DCC: variants seen among roughly 807,000 people sequenced by gnomAD.
DCC encodes netrin receptor DCC.
Under a neutral mutation model 172.5 loss-of-function variants are expected in DCC, and 58 were observed. The observed-to-expected ratio is 0.34, with a 90% confidence interval of 0.27 to 0.42. The LOEUF is 0.42. Among genes scored for constraint, DCC ranks in the 10% least tolerant of loss-of-function variants. DCC has a pLI of 1.00. For synonymous variants in DCC, 709 were observed against 644.5 expected (o/e 1.10, Z -1.52); for missense variants, 1,740 against 1,791.0 (o/e 0.97, Z 0.51).
intron 2 of DCC, among the ~76,000 whole-genome samples, chr18:52,821,205 T>C (rs1485872982): frequency 6.6e-6 from 1 of 152,176 alleles, no homozygotes; most frequent in Non-Finnish European, 1.5e-5. Flanking sequence ...CCTATCTGCA[T>C]CTATGCCAAT....
At chr18:53,282,157 T>G (rs1163166911) in intron 12 of DCC, among the ~76,000 whole-genome samples, 1 of 152,168 alleles carries the variant, frequency 6.6e-6, no homozygotes, top group African/African-American at 2.4e-5. Context: ...TACTGATAGA[T>G]TTTTCTTTTG....
At chr18:53,125,728 A>T (rs1477548340) in intron 7 of DCC, among the ~76,000 whole-genome samples, 1 of 152,120 alleles carries the variant, frequency 6.6e-6, no homozygotes, top group Admixed American at 6.6e-5. Context: ...CCATCTCAAC[A>T]CAGATTTGGA....
intron 1 of DCC, among the ~76,000 whole-genome samples, chr18:52,700,240 G>A (rs1240696491): frequency 1.7e-5 from 2 of 115,998 alleles, no homozygotes; most frequent in African/African-American, 3.6e-5. Context: ...ACACTCACAT[G>A]CACACTCACA....
intron 2 of DCC, among the ~76,000 whole-genome samples, chr18:52,867,186 G>C (rs2039241468): frequency 6.6e-6 from 1 of 152,130 alleles, no homozygotes; most frequent in Non-Finnish European, 1.5e-5. Flanking sequence ...TATTTTTATT[G>C]ATTTGCATAT....
intron 21 of DCC, among the ~76,000 whole-genome samples, chr18:53,419,825 CTT>C (rs112418108): frequency 4.0e-5 from 6 of 149,472 alleles, no homozygotes; most frequent in African/African-American, 9.9e-5. Context: ...TTCCAAAAGC[CTT>C]TTTTTTTTAA....
intron 9 of DCC, among the ~76,000 whole-genome samples, chr18:53,193,412 C>G (rs1398978573): frequency 1.3e-5 from 2 of 152,150 alleles, no homozygotes; most frequent in Non-Finnish European, 2.9e-5. Context: ...TGAGCATTTC[C>G]TTTTTGCCAG....
chr18:52,806,232 A>C (rs2038081078), intron 2 of DCC, among the ~76,000 whole-genome samples: 1 of 152,158 alleles, frequency 6.6e-6, no homozygotes, highest in Non-Finnish European at 1.5e-5. Context: ...GACTTCCCAT[A>C]CACCCCAGTC....
At chr18:52,877,705 A>T (rs1598891204) in intron 2 of DCC, among the ~76,000 whole-genome samples, 1 of 51,506 alleles carries the variant, frequency 1.9e-5, no homozygotes, top group Admixed American at 1.5e-4. Flanking sequence ...GAGACAATAT[A>T]AAAAAAAAAA....
chr18:52,450,805 A>G (rs1306024132), intron 1 of DCC, among the ~76,000 whole-genome samples: 2 of 152,198 alleles, frequency 1.3e-5, no homozygotes, highest in Non-Finnish European at 2.9e-5. Context: ...AATGGCTACC[A>G]CTATAGGTAT....
intron 1 of DCC, among the ~76,000 whole-genome samples, chr18:52,614,140 A>G (rs1438774295): frequency 1.3e-5 from 2 of 152,222 alleles, no homozygotes; most frequent in Non-Finnish European, 2.9e-5. Flanking sequence ...TGTCGCTGCC[A>G]AAGTCCCTGC....
In DCC at chr18:52,955,511, CTA is replaced by C. The variant is rs995599624; in HGVS notation, c.985+30143_985+30144del. 7.2e-5 allele frequency among the ~76,000 whole-genome samples: 11 copies of C among 152,052 alleles called. No individual in the cohort carries two copies. In the Middle Eastern group the frequency reaches 0.01, roughly 141 times the overall value. On this transcript the variant is annotated intron_variant, in intron 5 of 28. Coordinates refer to ENST00000442544, the MANE Select transcript of DCC (RefSeq NM_005215.4). ...TTGTGAATAGAGTTTCTATAAACAA[CTA>C]TGTGTAGATTTTTGTGGGCATACAT...
chr18:52,649,088 T>A (rs2035072423), intron 1 of DCC, among the ~76,000 whole-genome samples: 1 of 152,130 alleles, frequency 6.6e-6, no homozygotes, highest in Admixed American at 6.6e-5. Context: ...AAGATTAACT[T>A]TATGGCCGGG....
chr18:52,695,965 A>G (rs1439448273), intron 1 of DCC, among the ~76,000 whole-genome samples: 3 of 152,208 alleles, frequency 2.0e-5, no homozygotes, highest in Admixed American at 6.5e-5. Context: ...TTTAAAATCT[A>G]TAAGGTACTT....
chr18:52,634,213 C>T (rs76925895), intron 1 of DCC, among the ~76,000 whole-genome samples: 9,936 of 152,228 alleles, frequency 0.065, 352 homozygotes, highest in East Asian at 0.11. Context: ...AGTGTTTGCC[C>T]TGGGTCTATC....
At chr18:53,073,091 G>C (rs969034502) in intron 7 of DCC, among the ~76,000 whole-genome samples, 7 of 151,968 alleles carry the variant, frequency 4.6e-5, no homozygotes, top group African/African-American at 1.7e-4. Context: ...AGCAAGCATG[G>C]TTTCTTTTAT....
intron 13 of DCC, among the ~76,000 whole-genome samples, 173 bp from the exon 14 acceptor site, chr18:53,321,874 T>C (rs887892802): frequency 6.6e-6 from 1 of 152,262 alleles, no homozygotes; most frequent in African/African-American, 2.4e-5. Flanking sequence ...TTAATTTGAT[T>C]TCTTGCTATG....
intron 1 of DCC, among the ~76,000 whole-genome samples, chr18:52,621,841 T>G (rs2034486171): frequency 6.6e-6 from 1 of 152,216 alleles, no homozygotes; most frequent in South Asian, 2.1e-4. Flanking sequence ...GAAGAGGTAC[T>G]GATGCTTCAT....
intron 7 of DCC, among the ~76,000 whole-genome samples, chr18:53,081,249 T>A (rs187509726): frequency 1.3e-5 from 2 of 152,138 alleles, no homozygotes; most frequent in Admixed American, 1.3e-4. Flanking sequence ...ATGTAATGAG[T>A]TCACAAATTG....
chr18:53,095,466 T>C (rs2043072649), intron 7 of DCC, among the ~76,000 whole-genome samples: 1 of 152,220 alleles, frequency 6.6e-6, no homozygotes, highest in South Asian at 2.1e-4. Flanking sequence ...ATATTACCAA[T>C]AATTTAGTAG....
Sources: allele counts gnomAD v4.1 joint callset (sites outside exome capture counted in the v4.1 genomes callset), GRCh38; gene constraint gnomAD v4.1.1; transcripts MANE v1.5; gene names NCBI Gene and HGNC (gene_info 2026-07-23, HGNC 2026-07-21).